POC1A: variants seen among roughly 807,000 people sequenced by gnomAD.
POC1A encodes the protein POC1 centriolar protein homolog A.
POC1A carries 34 observed loss-of-function variants against 47.8 expected under a neutral mutation model. That is an observed-to-expected ratio of 0.71 (90% CI 0.54 to 0.95). The LOEUF (loss-of-function observed/expected upper bound fraction) is 0.95. Among genes scored for constraint, POC1A ranks in the 40% least tolerant of loss-of-function variants. The pLI is 0.00. For synonymous variants in POC1A, 177 were observed against 207.6 expected, an observed-to-expected ratio of 0.85 and a Z score of 1.27; for missense variants, 466 against 528.3, an observed-to-expected ratio of 0.88 and a Z score of 1.16.
chr3:52,145,879 C>G lies in POC1A; in HGVS notation c.646G>C (p.Val216Leu), dbSNP rs139462706. The G allele has an allele frequency of 1.5e-5, 25 of 1,613,548 alleles. No individual in the cohort carries two copies. The African/African-American group carries it at 2.8e-4, about 18-fold the overall frequency. The change falls in exon 6 of 11, where the codon GTG becomes CTG. Residue 216 changes from valine to leucine, a missense_variant. Val to Leu is a conservative substitution (Grantham distance 32). Transcript: ENST00000296484. ...GMDNTVKVWDVRTHRLLQHYQ... is the reference protein window; with the variant it reads ...GMDNTVKVWDLRTHRLLQHYQ... ...TGCTGCAGCAGCCGGTGAGTCCGCA[C>G]GTCCCACACCTTCACTGTGTTGTCC...
At chr3:52,088,777 A>G (rs1179388132) in intron 10 of POC1A, among the ~76,000 whole-genome samples, 1 of 151,654 alleles carries the variant, frequency 6.6e-6, no homozygotes, top group Non-Finnish European at 1.5e-5. Context: ...GCAAGCCTAG[A>G]TTCAGCCCGA....
intron 4 of POC1A, among the ~76,000 whole-genome samples, chr3:52,148,607 C>T (rs571535547): frequency 6.6e-6 from 1 of 152,376 alleles, no homozygotes; most frequent in East Asian, 1.9e-4. Context: ...CCCTGGCCAG[C>T]AGGAAGGCTA....
At position 52,096,687 on chromosome 3, in the gene POC1A, G is replaced by A. The variant is rs745858552; in HGVS notation, c.1007C>T (p.Pro336Leu). ...NLPEVDFPVPPGRGRSVESVQ... is the reference protein window; with the variant it reads ...NLPEVDFPVPLGRGRSVESVQ... ...AGACTCCACACTCCTGCCTCTGCCT[G>A]GGGGGACAGGGAAGTCCACTTCTGG... Residue 336 changes from proline (P) to leucine (L), a missense_variant, in exon 10 of 11, where the codon CCA (proline) becomes CTA (leucine). Coordinates refer to ENST00000296484, the MANE Select transcript of POC1A (RefSeq NM_015426.5). 1.1e-5 allele frequency: 18 copies of A among 1,600,142 alleles called. No homozygotes were observed. The highest frequency in any genetic ancestry group is 1.4e-5 in the Non-Finnish European group (17 of 1,174,820).
intron 7 of POC1A, among the ~76,000 whole-genome samples, chr3:52,137,962 C>G (rs568660149): frequency 9.8e-5 from 15 of 152,324 alleles, no homozygotes; most frequent in Admixed American, 9.2e-4. Flanking sequence ...ATGCAGCCCC[C>G]AACCCTTGCC....
intron 9 of POC1A, among the ~76,000 whole-genome samples, chr3:52,114,848 A>T (rs1703506235): frequency 6.6e-6 from 1 of 152,246 alleles, no homozygotes; most frequent in Admixed American, 6.5e-5. Flanking sequence ...ACGAGGTGGA[A>T]TGGTGCCCCT....
At chr3:52,143,638 G>A (rs1341480281) in intron 6 of POC1A, among the ~76,000 whole-genome samples, 1 of 152,104 alleles carries the variant, frequency 6.6e-6, no homozygotes, top group Non-Finnish European at 1.5e-5. Flanking sequence ...AACAGGGTCA[G>A]CTTCTCTGCT....
chr3:52,122,502 A>G (rs1402398941), intron 8 of POC1A, 25 bp from the exon 9 acceptor site: 2 of 1,385,678 alleles, frequency 1.4e-6, no homozygotes, highest in South Asian at 1.2e-5. Flanking sequence ...AGGCACACCA[A>G]GTCAGGAGAA....
At chr3:52,117,003 C>G (rs1703588496) in intron 9 of POC1A, among the ~76,000 whole-genome samples, 1 of 152,130 alleles carries the variant, frequency 6.6e-6, no homozygotes, top group Non-Finnish European at 1.5e-5. Flanking sequence ...GCCTGGCCAA[C>G]ATGGTGAAAT....
chr3:52,093,107 G>C (rs1702699157), intron 10 of POC1A, among the ~76,000 whole-genome samples: 2 of 152,236 alleles, frequency 1.3e-5, no homozygotes. Context: ...TGTCCCGTCA[G>C]GTGAGGGTGA....
Position 52,084,907 on chromosome 3 carries a change from T to A in POC1A, c.1126-8922A>T, listed in dbSNP as rs888206751. Among the ~76,000 whole-genome samples, 4 of 152,234 alleles carry A rather than the reference T, an allele frequency of 2.6e-5. No individual in the cohort carries two copies. Among genetic ancestry groups the A allele is most frequent in the Non-Finnish European group, 5.9e-5 (4 of 68,034 alleles). Reference sequence around the variant, plus strand: ...AAGGCGGAGCCAACATCCAGGCATGTGTCCCACCAAGCACTCTGCCTGGGC... The same window carrying A: ...AAGGCGGAGCCAACATCCAGGCATGAGTCCCACCAAGCACTCTGCCTGGGC... On this transcript the variant is annotated intron_variant, in intron 10 of 10. Transcript: ENST00000296484. This position sits in a 1 kb window ranked among gnomAD's most constrained non-coding sequence, Gnocchi z 4.3.
chr3:52,154,035 A>G (rs1341382383), intron 1 of POC1A, among the ~76,000 whole-genome samples: 1 of 152,256 alleles, frequency 6.6e-6, no homozygotes, highest in Non-Finnish European at 1.5e-5. Context: ...GGACGTGGAG[A>G]ATGGCTAGAG....
intron 9 of POC1A, among the ~76,000 whole-genome samples, chr3:52,118,971 T>C (rs989179518): frequency 6.6e-6 from 1 of 151,392 alleles, no homozygotes; most frequent in Non-Finnish European, 1.5e-5. Flanking sequence ...AATTTTTAAG[T>C]GAAGAAAACC....
chr3:52,094,650 A>C (rs1702750188), intron 10 of POC1A, among the ~76,000 whole-genome samples: 1 of 152,272 alleles, frequency 6.6e-6, no homozygotes, highest in Non-Finnish European at 1.5e-5. Flanking sequence ...GCAGAACTCA[A>C]GTTTCCTCGG....
At position 52,084,261 on chromosome 3, in the gene POC1A, C is replaced by G. The variant is rs915282264; in HGVS notation, c.1126-8276G>C. Among the ~76,000 whole-genome samples, 1 of 152,246 alleles carries G rather than the reference C, an allele frequency of 6.6e-6. No homozygotes were observed. Among genetic ancestry groups the G allele is most frequent in the Admixed American group, 6.5e-5 (1 of 15,290 alleles). Reference sequence around the variant, plus strand: ...CTCAGAGACAGGTCCCTTCCAGGAGCTGCTCCTCCTCCCATGACCATTGTT... The same window carrying G: ...CTCAGAGACAGGTCCCTTCCAGGAGGTGCTCCTCCTCCCATGACCATTGTT... On this transcript the variant is annotated intron_variant, in intron 10 of 10. Transcript: ENST00000296484. The surrounding 1 kb of genome is among the most constrained non-coding windows in gnomAD (Gnocchi z 4.3).
At chr3:52,077,988 CA>C (rs1215379887) in intron 10 of POC1A, among the ~76,000 whole-genome samples, 1 of 152,148 alleles carries the variant, frequency 6.6e-6, no homozygotes, top group Non-Finnish European at 1.5e-5. Flanking sequence ...AGAGAAGCAT[CA>C]CCTGTTTCAC....
chr3:52,091,613 C>G (rs1186095213), intron 10 of POC1A, among the ~76,000 whole-genome samples: 1 of 152,196 alleles, frequency 6.6e-6, no homozygotes, highest in Admixed American at 6.5e-5. Flanking sequence ...TCTCCCCTCT[C>G]TTATCCTCCT....
intron 7 of POC1A, among the ~76,000 whole-genome samples, chr3:52,135,896 C>T (rs2107149901): frequency 6.6e-6 from 1 of 152,288 alleles, no homozygotes; most frequent in Non-Finnish European, 1.5e-5. Context: ...ACCTTTCAAC[C>T]CAGGCCAGCT....
intron 7 of POC1A, among the ~76,000 whole-genome samples, chr3:52,130,816 T>G (rs1206711109): frequency 6.6e-6 from 1 of 152,116 alleles, no homozygotes. Context: ...CCTCCCCTGC[T>G]TGAAGGTGCA....
intron 9 of POC1A, among the ~76,000 whole-genome samples, chr3:52,120,538 A>G (rs1478546821): frequency 6.6e-6 from 1 of 152,226 alleles, no homozygotes; most frequent in Non-Finnish European, 1.5e-5. Context: ...CTATGGGCGT[A>G]TTCAGGTACT....
Sources: gnomAD v4.1 joint callset for allele counts (sites outside exome capture counted in the v4.1 genomes callset) on GRCh38, gnomAD v4.1.1 for gene constraint, Gnocchi (gnomAD v3.1) non-coding constraint, MANE v1.5 for transcripts, NCBI Gene and HGNC (gene_info 2026-07-23, HGNC 2026-07-21) for gene names.